ATF3: variants seen among roughly 807,000 people sequenced by gnomAD.
The protein encoded by ATF3 is cyclic AMP-dependent transcription factor ATF-3.
Under a neutral mutation model 18.4 loss-of-function variants are expected in ATF3, and 10 were observed. The ratio of observed to expected loss-of-function variants is 0.54; its 90% CI spans 0.34 to 0.92. The LOEUF (loss-of-function observed/expected upper bound fraction) is 0.92. Among genes scored for constraint, ATF3 ranks in the 40% least tolerant of loss-of-function variants. The probability of loss-of-function intolerance (pLI) is 0.02; values close to 1 mark genes in which losing one functional copy is unlikely to be tolerated. For synonymous variants in ATF3, 78 were observed against 87.9 expected, an observed-to-expected ratio of 0.89 and a Z score of 0.63; for missense variants, 183 against 222.3, an observed-to-expected ratio of 0.82 and a Z score of 1.12.
chr1:212,615,306 T>A (rs1655072126), intron 2 of ATF3, 45 bp downstream of exon 2: 1 of 1,595,698 alleles, frequency 6.3e-7, no homozygotes, highest in South Asian at 1.1e-5. Context: ...CATGTTTCGC[T>A]CGCAGCCACT....
intron 1 of ATF3, among the ~76,000 whole-genome samples, chr1:212,571,536 T>A (rs2102620016): frequency 6.6e-6 from 1 of 151,264 alleles, no homozygotes. Flanking sequence ...GCCTCCTGAG[T>A]AGCTGGGATT....
At chr1:212,571,356 T>C (rs1664476329) in intron 1 of ATF3, among the ~76,000 whole-genome samples, 1 of 152,208 alleles carries the variant, frequency 6.6e-6, no homozygotes, top group African/African-American at 2.4e-5. Flanking sequence ...AATTTTTTTC[T>C]AAATAATCAG....
intron 1 of ATF3, among the ~76,000 whole-genome samples, chr1:212,603,185 A>T (rs1356052395): frequency 2.0e-5 from 3 of 152,108 alleles, no homozygotes; most frequent in African/African-American, 7.2e-5. Context: ...TGGCATAGAG[A>T]TGCTAGAGCT....
At chr1:212,588,748 C>G (rs1307774015) in intron 1 of ATF3, among the ~76,000 whole-genome samples, 1 of 152,166 alleles carries the variant, frequency 6.6e-6, no homozygotes, top group Non-Finnish European at 1.5e-5. Context: ...ATTTATAAAT[C>G]ATGTGTGTAT....
upstream of ATF3, among the ~76,000 whole-genome samples, chr1:212,604,467 T>C (rs768069568): frequency 1.4e-4 from 21 of 152,228 alleles, no homozygotes; most frequent in Non-Finnish European, 8.8e-5. Flanking sequence ...TGGGGTGTTC[T>C]GCCACATCCC....
chr1:212,605,570 G>A (rs907253286), upstream of ATF3, among the ~76,000 whole-genome samples: 2 of 152,234 alleles, frequency 1.3e-5, no homozygotes, highest in East Asian at 3.8e-4. Context: ...AGAGGAATGT[G>A]GGAAGGGACT....
intron 1 of ATF3, among the ~76,000 whole-genome samples, chr1:212,577,796 A>G (rs12045591): frequency 0.13 from 19,167 of 152,258 alleles, 1,665 homozygotes; most frequent in East Asian, 0.29. Flanking sequence ...CATTGTGTAC[A>G]TATACCACAT....
rs190232761 is a variant in ATF3, at chr1:212,591,004, A to G, written c.-4-24014A>G. Among the ~76,000 whole-genome samples, 18 of 152,350 alleles carry G rather than the reference A, an allele frequency of 1.2e-4. No homozygotes were observed. The East Asian group carries it at 3.3e-3, about 28-fold the overall frequency. On this transcript the variant is annotated intron_variant, in intron 1 of 3. Coordinates refer to the ATF3 transcript ENST00000366981. ...TAGCCTCTCAGTTTGTTGAAAGAAT[A>G]CAATTCATAGCAATACACACAAGAC...
At chr1:212,567,443 CTT>C (rs1477125687) in intron 1 of ATF3, among the ~76,000 whole-genome samples, 2 of 152,304 alleles carry the variant, frequency 1.3e-5, no homozygotes, top group East Asian at 1.9e-4. Flanking sequence ...GCCCTTCTCT[CTT>C]GTCTCTGTTT....
intron 1 of ATF3, among the ~76,000 whole-genome samples, chr1:212,589,409 T>C (rs1431710971): frequency 6.6e-6 from 1 of 152,208 alleles, no homozygotes; most frequent in Non-Finnish European, 1.5e-5. Context: ...CAAAAGTTAC[T>C]TTCTAGATGG....
At chr1:212,585,159 G>A (rs1664754780) in intron 1 of ATF3, among the ~76,000 whole-genome samples, 1 of 152,214 alleles carries the variant, frequency 6.6e-6, no homozygotes, top group African/African-American at 2.4e-5. Context: ...GATGGTGAGA[G>A]AAAGGATTAC....
intron 1 of ATF3, among the ~76,000 whole-genome samples, chr1:212,575,008 GCA>G (rs58035364): frequency 0.087 from 13,167 of 151,444 alleles, 1,249 homozygotes; most frequent in African/African-American, 0.24. Context: ...TAAGAATTGT[GCA>G]CACACACACA....
intron 1 of ATF3, among the ~76,000 whole-genome samples, chr1:212,577,878 C>A (rs1664610244): frequency 6.6e-6 from 1 of 152,220 alleles, no homozygotes; most frequent in African/African-American, 2.4e-5. Context: ...AATAATGCTG[C>A]AATGAACCTG....
At chr1:212,589,182 G>T (rs1214816201) in intron 1 of ATF3, among the ~76,000 whole-genome samples, 1 of 152,134 alleles carries the variant, frequency 6.6e-6, no homozygotes, top group Admixed American at 6.5e-5. Flanking sequence ...GCACTCCCGG[G>T]TTGACACAGT....
intron 1 of ATF3, among the ~76,000 whole-genome samples, chr1:212,589,834 A>T (rs1664848794): frequency 6.6e-6 from 1 of 150,674 alleles, no homozygotes; most frequent in Non-Finnish European, 1.5e-5. Context: ...AAAAAACAAA[A>T]CTTCAGTTTA....
intron 1 of ATF3, among the ~76,000 whole-genome samples, chr1:212,600,663 C>G (rs1051159175): frequency 6.6e-6 from 1 of 152,224 alleles, no homozygotes; most frequent in Non-Finnish European, 1.5e-5. Flanking sequence ...GTCACCTCAG[C>G]CATCAGCTCT....
At chr1:212,572,663 T>C (rs996118192) in intron 1 of ATF3, among the ~76,000 whole-genome samples, 1 of 152,256 alleles carries the variant, frequency 6.6e-6, no homozygotes, top group Non-Finnish European at 1.5e-5. Context: ...TCAAATTAAT[T>C]TGCAAAGCAC....
At chr1:212,579,883 G>A (rs1030695909) in intron 1 of ATF3, among the ~76,000 whole-genome samples, 9 of 151,984 alleles carry the variant, frequency 5.9e-5, no homozygotes, top group Non-Finnish European at 1.2e-4. Context: ...AGTGGCTCAC[G>A]CCTGTAATTC....
Position 212,619,095 on chromosome 1 carries a change from C to T in ATF3, c.349-263C>T, listed in dbSNP as rs1224816831. 3.1e-6 allele frequency: 5 copies of T among 1,614,050 alleles called. No individual in the cohort carries two copies. The South Asian group carries it at 4.4e-5, about 14-fold the overall frequency. ...AAGACCTGCATATGGGCTGTTGACT[C>T]ATGCAAATGAGGTATCTGAACTGCA... is the stretch of plus-strand genomic sequence containing the variant. On this transcript the variant is annotated intron_variant, in intron 3 of 3. Coordinates refer to ENST00000341491, the MANE Select transcript of ATF3 (RefSeq NM_001674.4). The surrounding 1 kb of genome is among the most constrained non-coding windows in gnomAD (Gnocchi z 4.4).
Sources: allele counts gnomAD v4.1 joint callset (sites outside exome capture counted in the v4.1 genomes callset), GRCh38; gene constraint gnomAD v4.1.1; non-coding constraint Gnocchi (gnomAD v3.1); transcripts MANE v1.5; gene names NCBI Gene and HGNC (gene_info 2026-07-23, HGNC 2026-07-21).